URB2: variants seen among roughly 807,000 people sequenced by gnomAD.
URB2 encodes unhealthy ribosome biogenesis protein 2 homolog.
Under a neutral mutation model 120.9 loss-of-function variants are expected in URB2, and 86 were observed. That is an observed-to-expected ratio of 0.71 (90% CI 0.60 to 0.85). The LOEUF is 0.85. Ranked by LOEUF, URB2 falls within the 40% of genes least tolerant of loss-of-function variation. The pLI is 0.00. For synonymous variants in URB2, 755 were observed against 758.4 expected (o/e 1.00, Z 0.07); for missense variants, 1,765 against 1,836.5 (o/e 0.96, Z 0.71).
intron 8 of URB2, 70 bp downstream of exon 8, chr1:229,651,392 G>A: frequency 1.5e-6 from 2 of 1,336,876 alleles, no homozygotes; most frequent in East Asian, 4.9e-5. Context: ...GGCCACATAT[G>A]TTACTGAAAA....
rs1435574927 is a variant in URB2 at position 229,632,338 on chromosome 1, ATTG to A, written c.200_202del (p.Val67del). ...GAAAAAGCTTGAACTGAAGGAAGAT[ATTG>A]TTGAAAGGCTTTGGATCTATATAGA... On this transcript the variant is annotated inframe_deletion, in exon 3 of 10. Transcript: ENST00000258243. The A allele has an allele frequency of 6.3e-7, 1 of 1,597,216 alleles. No individual in the cohort carries two copies. The highest frequency in any genetic ancestry group is 1.3e-5 in the African/African-American group (1 of 74,186).
At chr1:229,653,609 C>CTCA (rs754682538) in intron 8 of URB2, among the ~76,000 whole-genome samples, 151 of 152,266 alleles carry the variant, frequency 9.9e-4, no homozygotes, top group Middle Eastern at 3.4e-3. Context: ...GTAACTCAAG[C>CTCA]TGTGGGGACA....
At chr1:229,651,348 G>T in intron 8 of URB2, 26 bp downstream of exon 8, 1 of 1,594,040 alleles carries the variant, frequency 6.3e-7, no homozygotes. Context: ...ATCAGACACA[G>T]TTTCAAATAT....
At chr1:229,653,238 CTG>C (rs1011318805) in intron 8 of URB2, among the ~76,000 whole-genome samples, 10 of 152,144 alleles carry the variant, frequency 6.6e-5, no homozygotes, top group Admixed American at 2.0e-4. Flanking sequence ...TAAAAGATGT[CTG>C]TATGCTTATT....
At chr1:229,656,482 C>G (rs1024966219) in intron 9 of URB2, among the ~76,000 whole-genome samples, 3 of 152,208 alleles carry the variant, frequency 2.0e-5, no homozygotes, top group Admixed American at 6.5e-5. Context: ...AATCCACTGG[C>G]ACCACAGTCC....
chr1:229,654,474 C>T, intron 9 of URB2, 86 bp downstream of exon 9: 1 of 1,572,972 alleles, frequency 6.4e-7, no homozygotes, highest in Non-Finnish European at 8.7e-7. Flanking sequence ...AAGCGGTGTT[C>T]TGGATCTGAC....
In URB2 at chr1:229,659,395, C is replaced by T. The variant is rs1381204685; in HGVS notation, c.*98C>T. On this transcript the variant is annotated 3_prime_UTR_variant, in exon 10 of 10. Coordinates refer to ENST00000258243, the MANE Select transcript of URB2 (RefSeq NM_014777.4). The stretch of plus-strand genomic sequence containing the variant: ...ATGAAAGACTTAAGATGTTCTAATT[C>T]GTAGTATTGGTATACATAGAAAATC... 22 of 1,288,400 alleles carry T rather than the reference C, an allele frequency of 1.7e-5. No homozygotes were observed. Among genetic ancestry groups the T allele is most frequent in the Non-Finnish European group, 2.2e-5 (20 of 921,656 alleles). The allele number at this position is 1,288,400 out of a possible 1,614,324, so 79.8% of individuals were successfully genotyped here.
chr1:229,635,482 A>C lies in URB2; in HGVS notation c.869A>C (p.Tyr290Ser). 6.2e-7 allele frequency: 1 copy of C among 1,613,212 alleles called. No homozygotes were observed. The highest frequency in any genetic ancestry group is 8.5e-7 in the Non-Finnish European group (1 of 1,179,394). ...TVLNRLVDAGYCAASLHTSVV... is the reference protein window; with the variant it reads ...TVLNRLVDAGSCAASLHTSVV... ...CTTAACAGGCTGGTTGATGCTGGCT[A>C]CTGTGCAGCATCCCTTCATACCTCT... The change falls in exon 4 of 10, where the codon TAC becomes TCC. Residue 290 changes from tyrosine to serine, a missense_variant. Physicochemically the swap from Tyr to Ser is moderately radical, Grantham distance 144. Transcript: ENST00000258243.
chr1:229,631,075 G>C (rs372159510), intron 2 of URB2, among the ~76,000 whole-genome samples: 14 of 150,796 alleles, frequency 9.3e-5, no homozygotes, highest in African/African-American at 3.2e-4. Flanking sequence ...GTTTAGTTTA[G>C]CCAACTTCAT....
chr1:229,657,937 G>A (rs1666443516), intron 9 of URB2, among the ~76,000 whole-genome samples: 1 of 152,140 alleles, frequency 6.6e-6, no homozygotes, highest in South Asian at 2.1e-4. Flanking sequence ...ACCCTTTCAG[G>A]TTATCAGGGT....
At position 229,638,145 on chromosome 1, in the gene URB2, G is replaced by A. The variant is rs1558166392; in HGVS notation, c.3532G>A (p.Ala1178Thr). 6.2e-7 allele frequency: 1 copy of A among 1,614,218 alleles called. No individual in the cohort carries two copies. The change falls in exon 4 of 10, where the codon GCC (alanine) becomes ACC (threonine). Residue 1178 changes from alanine (A) to threonine (T), a missense_variant. Transcript: ENST00000258243. ...LAGHDQSFQA[A>T]LQFLTLFFLA... is the part of the protein sequence containing the mutation. Reference sequence around the variant, plus strand: ...GGGACATGATCAGTCTTTTCAGGCAGCCTTGCAGTTTTTGACTCTGTTCTT... The same window carrying A: ...GGGACATGATCAGTCTTTTCAGGCAACCTTGCAGTTTTTGACTCTGTTCTT...
At position 229,659,317 on chromosome 1, in the gene URB2, C is replaced by T. The variant is rs371361740; in HGVS notation, c.*20C>T. On this transcript the variant is annotated 3_prime_UTR_variant, in exon 10 of 10. Coordinates refer to ENST00000258243, the MANE Select transcript of URB2 (RefSeq NM_014777.4). ...GCCTAAGGCTATGGGACAGAAGTGC[C>T]GCCAGTGACACTGTCCAGAGGCTTT... The T allele has an allele frequency of 5.6e-5, 90 of 1,611,364 alleles. No individual in the cohort carries two copies. The highest frequency in any genetic ancestry group is 6.8e-5 in the Non-Finnish European group (80 of 1,178,476).
intron 9 of URB2, among the ~76,000 whole-genome samples, chr1:229,654,967 A>G (rs897742904): frequency 7.9e-5 from 12 of 152,214 alleles, no homozygotes; most frequent in Non-Finnish European, 1.5e-4. Context: ...GTCCAAGAAC[A>G]GGAGCTCTCA....
At position 229,637,346 on chromosome 1, in the gene URB2, AC is replaced by A. The variant is rs767775117; in HGVS notation, c.2736del (p.Tyr913IlefsTer17). 5.8e-5 allele frequency: 93 copies of A among 1,613,980 alleles called. No homozygotes were observed. The highest frequency in any genetic ancestry group is 7.8e-5 in the Non-Finnish European group (92 of 1,180,026). ...SALQLDSLLPPYHVHYFLVLL... is the reference protein window; with the variant it reads ...SALQLDSLLPXYHVHYFLVLL... ...CCTTACAGCTGGACAGCCTCTTGCC[AC>A]CCTATCATGTGCATTATTTTCTTGT... On this transcript the variant is annotated frameshift_variant, in exon 4 of 10. Transcript: ENST00000258243. LOFTEE classifies it high-confidence loss of function.
chr1:229,649,511 A>T (rs1369155999), intron 7 of URB2, among the ~76,000 whole-genome samples: 1 of 152,262 alleles, frequency 6.6e-6, no homozygotes, highest in Non-Finnish European at 1.5e-5. Context: ...GTGGAATTAG[A>T]TCATTTAACG....
chr1:229,632,773 G>T (rs1665703690), intron 3 of URB2, among the ~76,000 whole-genome samples: 1 of 148,826 alleles, frequency 6.7e-6, no homozygotes, highest in Non-Finnish European at 1.5e-5. Context: ...GCTAGAGGGA[G>T]ATCAAAGGCC....
At chr1:229,632,154 C>T (rs1665682814) in intron 2 of URB2, 115 bp from the exon 3 acceptor site, 1 of 810,252 alleles carries the variant, frequency 1.2e-6, no homozygotes. Context: ...AGAGGTTCTC[C>T]CCCGCCGCCC....
chr1:229,640,599 G>C (rs540226164), intron 4 of URB2, among the ~76,000 whole-genome samples: 1 of 152,138 alleles, frequency 6.6e-6, no homozygotes, highest in Admixed American at 6.6e-5. Context: ...AAGCTGTGAC[G>C]GGTGGGGCCA....
chr1:229,653,766 C>G (rs933159916), intron 8 of URB2, among the ~76,000 whole-genome samples: 4 of 152,068 alleles, frequency 2.6e-5, no homozygotes, highest in Non-Finnish European at 5.9e-5. Context: ...CTATGTCTGT[C>G]CACCTATAAA....
Sources: gnomAD v4.1 joint callset for allele counts (sites outside exome capture counted in the v4.1 genomes callset) on GRCh38, gnomAD v4.1.1 for gene constraint, MANE v1.5 for transcripts, NCBI Gene and HGNC (gene_info 2026-07-23, HGNC 2026-07-21) for gene names.